ACYP2: variants seen among roughly 807,000 people sequenced by gnomAD.
ACYP2 encodes the protein acylphosphatase 2, also known as acylphosphatase-2.
ACYP2 carries 12 observed loss-of-function variants against 11.2 expected under a neutral mutation model. The observed-to-expected ratio is 1.08, with a 90% CI of 0.69 to 1.74. The LOEUF (loss-of-function observed/expected upper bound fraction) is 1.74, where lower values mean the gene tolerates loss of function less well. Ranked by LOEUF, ACYP2 falls within the 40% of genes most tolerant of loss-of-function variation. The probability of loss-of-function intolerance (pLI) is 0.00; values close to 1 mark genes in which losing one functional copy is unlikely to be tolerated. For missense variants in ACYP2, 134 were observed against 101.9 expected (o/e 1.31, Z -1.35); for synonymous variants, 43 against 32.2 (o/e 1.33, Z -1.13).
At chr2:54,203,895 C>T (rs1379086060) in intron 6 of ACYP2, among the ~76,000 whole-genome samples, 1 of 151,870 alleles carries the variant, frequency 6.6e-6, no homozygotes, top group African/African-American at 2.4e-5. Flanking sequence ...TTATATTAAG[C>T]TTGTCCAACC....
At chr2:54,268,696 G>C (rs923231600) in intron 6 of ACYP2, among the ~76,000 whole-genome samples, 1 of 151,392 alleles carries the variant, frequency 6.6e-6, no homozygotes, top group African/African-American at 2.4e-5. Flanking sequence ...TGGAGTCCCA[G>C]CTACTTGGGA....
At chr2:53,996,667 A>G (rs1346241382) in intron 2 of ACYP2, among the ~76,000 whole-genome samples, 3 of 152,126 alleles carry the variant, frequency 2.0e-5, no homozygotes, top group African/African-American at 7.2e-5. Context: ...CCATTAGCTA[A>G]GTGTATTCTT....
At chr2:54,096,277 T>TGGC (rs1678570402) in intron 4 of ACYP2, among the ~76,000 whole-genome samples, 11 of 105,922 alleles carry the variant, frequency 1.0e-4, no homozygotes, top group African/African-American at 4.3e-4. Flanking sequence ...AGACGATGGG[T>TGGC]GGCCGGGCAG....
At chr2:54,100,486 T>G (rs1474223014) in intron 4 of ACYP2, among the ~76,000 whole-genome samples, 4 of 151,992 alleles carry the variant, frequency 2.6e-5, no homozygotes, top group African/African-American at 9.7e-5. Flanking sequence ...AAAGATTTTT[T>G]TTTTTAGAGA....
chr2:54,175,862 C>T (rs1411559392), intron 6 of ACYP2, among the ~76,000 whole-genome samples: 1 of 152,084 alleles, frequency 6.6e-6, no homozygotes, highest in Non-Finnish European at 1.5e-5. Flanking sequence ...GAAATCCGTT[C>T]CCCAGTGTGA....
At chr2:54,278,810 T>C (rs1401329121) in intron 6 of ACYP2, among the ~76,000 whole-genome samples, 1 of 152,230 alleles carries the variant, frequency 6.6e-6, no homozygotes, top group African/African-American at 2.4e-5. Context: ...TTCTTAAAAA[T>C]AATTTTATTT....
rs916302434 is a variant in ACYP2, at chr2:54,273,057, G to C, written c.405-31631G>C. Among the ~76,000 whole-genome samples, 3 of 152,202 alleles carry C rather than the reference G, an allele frequency of 2.0e-5. No individual in the cohort carries two copies. The East Asian group carries it at 5.8e-4, about 29-fold the overall frequency. On this transcript the variant is annotated intron_variant, in intron 6 of 6. Transcript: ENST00000607452. ...AGGAAGGATCAAGGTGGGAACAGTGGTAGGCAGGCTTTTCTCTGACAAAGT... is the reference window on the plus strand; with the variant it reads ...AGGAAGGATCAAGGTGGGAACAGTGCTAGGCAGGCTTTTCTCTGACAAAGT...
chr2:54,066,378 G>A (rs1012998116), intron 4 of ACYP2, among the ~76,000 whole-genome samples: 4 of 152,206 alleles, frequency 2.6e-5, no homozygotes, highest in African/African-American at 9.7e-5. Flanking sequence ...AGAACTGTGA[G>A]TCAATTAAAC....
chr2:54,219,572 T>C (rs1330796676), intron 6 of ACYP2, among the ~76,000 whole-genome samples: 1 of 152,150 alleles, frequency 6.6e-6, no homozygotes, highest in African/African-American at 2.4e-5. Context: ...TCGAATTAAT[T>C]AATCACTAAT....
chr2:54,222,749 C>A (rs1458481728), intron 6 of ACYP2, among the ~76,000 whole-genome samples: 1 of 152,042 alleles, frequency 6.6e-6, no homozygotes, highest in Non-Finnish European at 1.5e-5. Flanking sequence ...TCTACTAATT[C>A]CCCGGCCTTA....
At chr2:54,254,928 C>T in intron 6 of ACYP2, 1 of 1,610,490 alleles carries the variant, frequency 6.2e-7, no homozygotes, top group Admixed American at 1.7e-5. Context: ...GTTAACCACA[C>T]TGGAACCCAA....
chr2:54,209,606 T>C (rs1313454549), intron 6 of ACYP2, among the ~76,000 whole-genome samples: 1 of 152,214 alleles, frequency 6.6e-6, no homozygotes, highest in Non-Finnish European at 1.5e-5. Context: ...TTATTACGCT[T>C]CTCAGTTGTA....
chr2:54,296,308 G>A (rs1433749127), intron 6 of ACYP2, among the ~76,000 whole-genome samples: 4 of 152,182 alleles, frequency 2.6e-5, no homozygotes, highest in Non-Finnish European at 5.9e-5. Context: ...AATGCGTGGT[G>A]CTTACTGTAT....
chr2:54,114,815 A>T (rs1679659933), intron 4 of ACYP2, among the ~76,000 whole-genome samples: 1 of 152,216 alleles, frequency 6.6e-6, no homozygotes, highest in Non-Finnish European at 1.5e-5. Flanking sequence ...TTATCCCAGA[A>T]AATATCACAA....
At chr2:54,107,749 T>A (rs966412573) in intron 4 of ACYP2, among the ~76,000 whole-genome samples, 1 of 152,140 alleles carries the variant, frequency 6.6e-6, no homozygotes, top group African/African-American at 2.4e-5. Context: ...ACATAATGAA[T>A]CAAAACCTTT....
chr2:54,196,283 G>A (rs1022792135), intron 6 of ACYP2, among the ~76,000 whole-genome samples: 5 of 152,004 alleles, frequency 3.3e-5, no homozygotes, highest in East Asian at 1.9e-4. Context: ...TGAAACCTCC[G>A]CTCACTGCAA....
intron 2 of ACYP2, among the ~76,000 whole-genome samples, chr2:53,982,421 T>A (rs1671810134): frequency 6.6e-6 from 1 of 152,116 alleles, no homozygotes; most frequent in Non-Finnish European, 1.5e-5. Flanking sequence ...GTCCCCAGAG[T>A]GCCAAGTCAG....
chr2:54,262,510 A>C (rs897599031), intron 6 of ACYP2, among the ~76,000 whole-genome samples: 3 of 152,338 alleles, frequency 2.0e-5, no homozygotes, highest in African/African-American at 7.2e-5. Flanking sequence ...TAAATGAATA[A>C]GTTGGTTAAT....
intron 6 of ACYP2, among the ~76,000 whole-genome samples, chr2:54,260,816 A>C (rs1405529172): frequency 6.6e-6 from 1 of 152,164 alleles, no homozygotes; most frequent in African/African-American, 2.4e-5. Flanking sequence ...TGGGAAGGAT[A>C]GTCTATGTGT....
Sources: gnomAD v4.1 joint callset for allele counts (sites outside exome capture counted in the v4.1 genomes callset) on GRCh38, gnomAD v4.1.1 for gene constraint, MANE v1.5 for transcripts, NCBI Gene and HGNC (gene_info 2026-07-23, HGNC 2026-07-21) for gene names.